Variants in SERPINB8 observed in about 807,000 individuals in gnomAD.
SERPINB8 encodes serpin family B member 8.
Under a neutral mutation model 35.3 loss-of-function variants are expected in SERPINB8, and 25 were observed. That is an observed-to-expected ratio of 0.71 (90% CI 0.52 to 0.99). The LOEUF (loss-of-function observed/expected upper bound fraction) is 0.99. SERPINB8 is among the 50% of genes least tolerant of loss of function. The pLI, the probability that SERPINB8 is intolerant of heterozygous loss-of-function variation, is 0.00. For synonymous variants in SERPINB8, 186 were observed against 160.8 expected (o/e 1.16, Z -1.19); for missense variants, 484 against 446.5 (o/e 1.08, Z -0.76).
intron 6 of SERPINB8, chr18:63,986,259 AAG>A: frequency 6.2e-7 from 1 of 1,610,444 alleles, no homozygotes; most frequent in Non-Finnish European, 8.5e-7. Context: ...GATAAATAGA[AAG>A]AGTGATGGAT....
intron 1 of SERPINB8, among the ~76,000 whole-genome samples, chr18:63,978,006 C>G (rs765124026): frequency 6.6e-6 from 1 of 152,194 alleles, no homozygotes; most frequent in Non-Finnish European, 1.5e-5. Flanking sequence ...GTCTCTGTCT[C>G]TGACTCTGCC....
chr18:64,012,571 A>G (rs75778505), intron 7 of SERPINB8, among the ~76,000 whole-genome samples: 38 of 90,212 alleles, frequency 4.2e-4, no homozygotes, highest in South Asian at 2.2e-3. Flanking sequence ...CTGTGTATGT[A>G]TGTGTGTGTG....
downstream of SERPINB8, among the ~76,000 whole-genome samples, chr18:63,989,966 A>C (rs28720102): frequency 0.012 from 1,722 of 144,968 alleles, 83 homozygotes; most frequent in African/African-American, 0.045. Context: ...AAAAAAAAAA[A>C]AAACCAAAAT....
exon 8 of SERPINB8, chr18:64,019,135 C>T (rs2050964084): frequency 6.6e-6 from 1 of 152,222 alleles, no homozygotes; most frequent in East Asian, 1.9e-4. Flanking sequence ...AAGACATTTT[C>T]CATTCCTGCA....
chr18:63,993,025 C>T (rs1412800442), downstream of SERPINB8, among the ~76,000 whole-genome samples: 1 of 152,148 alleles, frequency 6.6e-6, no homozygotes, highest in African/African-American at 2.4e-5. Flanking sequence ...TTACCCACAT[C>T]CTGCATTCAT....
intron 1 of SERPINB8, among the ~76,000 whole-genome samples, chr18:64,000,296 A>T (rs1370243092): frequency 6.6e-6 from 1 of 152,248 alleles, no homozygotes; most frequent in Non-Finnish European, 1.5e-5. Flanking sequence ...GCTGGCTCAG[A>T]CTAATTACCG....
At chr18:63,998,753 C>T (rs1392182410) in intron 1 of SERPINB8, among the ~76,000 whole-genome samples, 1 of 152,192 alleles carries the variant, frequency 6.6e-6, no homozygotes, top group African/African-American at 2.4e-5. Context: ...TACTAAACAG[C>T]ACAGATTGGG....
intron 4 of SERPINB8, among the ~76,000 whole-genome samples, chr18:63,983,297 T>C (rs1384956831): frequency 6.6e-6 from 1 of 152,200 alleles, no homozygotes; most frequent in Admixed American, 6.5e-5. Flanking sequence ...CTGTGTGCAC[T>C]CAGCAAAAGT....
rs757975926 is a variant in SERPINB8, at chr18:63,981,719, AG to A, written c.307del. On this transcript the variant is annotated splice_acceptor_variant, in intron 3 of 6. Transcript: ENST00000397985. LOFTEE classifies it high-confidence loss of function. ...ACTAAACTCAGTGTTTTGTGTTTGCAGGACTTTAAAGAATACTGTCAGAAGT... is the reference window on the plus strand; with the variant it reads ...ACTAAACTCAGTGTTTTGTGTTTGCAGACTTTAAAGAATACTGTCAGAAGT... 5.0e-6 allele frequency: 8 copies of A among 1,599,928 alleles called. No homozygotes were observed. The South Asian group carries it at 7.8e-5, about 16-fold the overall frequency.
At chr18:63,974,076 C>T (rs2050540045) in intron 1 of SERPINB8, among the ~76,000 whole-genome samples, 1 of 152,054 alleles carries the variant, frequency 6.6e-6, no homozygotes, top group African/African-American at 2.4e-5. Context: ...ATTACCTTGG[C>T]CTGCCCAGCT....
chr18:64,006,394 T>C (rs567447573), downstream of SERPINB8, among the ~76,000 whole-genome samples: 4 of 152,198 alleles, frequency 2.6e-5, no homozygotes, highest in African/African-American at 4.8e-5. Context: ...TTGAGTTATA[T>C]GAGGTCTTGA....
intron 1 of SERPINB8, among the ~76,000 whole-genome samples, chr18:63,977,182 C>G (rs892586445): frequency 6.6e-6 from 1 of 152,074 alleles, no homozygotes; most frequent in Non-Finnish European, 1.5e-5. Context: ...GGGTGCCAGG[C>G]GTTTATGACT....
In SERPINB8 at chr18:63,987,540, T is replaced by C; in HGVS notation, c.*262T>C. The C allele has an allele frequency of 2.4e-6, 1 of 422,686 alleles. No homozygotes were observed. 26.2% of individuals were successfully genotyped at this position (422,686 alleles called of 1,614,324 possible). A position where few individuals can be genotyped will look rare whatever the true frequency, so the allele number is the denominator to read the frequency against. On this transcript the variant is annotated 3_prime_UTR_variant, in exon 7 of 7. Coordinates refer to ENST00000397985, the MANE Select transcript of SERPINB8 (RefSeq NM_002640.4). ...CATTGCCTCTGCCTTCACCTAAGTC[T>C]GTGCCCATTGTTTCAGGGGATCTTA...
chr18:64,005,204 C>G (rs566128312), exon 2 of SERPINB8: 39 of 202,826 alleles, frequency 1.9e-4, no homozygotes, highest in African/African-American at 8.7e-4. Context: ...CTGACAACAT[C>G]AAGAGTGGGC....
intron 1 of SERPINB8, among the ~76,000 whole-genome samples, chr18:63,998,156 T>A (rs77623029): frequency 6.6e-6 from 1 of 152,190 alleles, no homozygotes; most frequent in Non-Finnish European, 1.5e-5. Flanking sequence ...CAGGATGTTC[T>A]TTGCAGGTTG....
exon 2 of SERPINB8, chr18:64,004,987 G>C (rs1476345293): frequency 2.5e-6 from 1 of 396,532 alleles, no homozygotes; most frequent in East Asian, 3.6e-5. Flanking sequence ...CACTGTGGAA[G>C]TGCCACAGGA....
At chr18:63,980,157 G>T (rs377110158) in intron 3 of SERPINB8, among the ~76,000 whole-genome samples, 3 of 152,016 alleles carry the variant, frequency 2.0e-5, no homozygotes, top group East Asian at 3.9e-4. Flanking sequence ...CAATTCTCCT[G>T]CACGCAGCCC....
chr18:63,990,286 G>A (rs1270351938), downstream of SERPINB8, among the ~76,000 whole-genome samples: 2 of 151,846 alleles, frequency 1.3e-5, no homozygotes, highest in African/African-American at 4.8e-5. Flanking sequence ...ATGTTGGCCA[G>A]GCTGGTTTTG....
chr18:63,994,588 C>T (rs1168421110), intron 1 of SERPINB8, among the ~76,000 whole-genome samples: 2 of 152,022 alleles, frequency 1.3e-5, no homozygotes, highest in African/African-American at 2.4e-5. Flanking sequence ...CTTTTCGGTT[C>T]CGAGGGGGAT....
Sources: gnomAD v4.1 joint callset for allele counts (sites outside exome capture counted in the v4.1 genomes callset) on GRCh38, gnomAD v4.1.1 for gene constraint, MANE v1.5 for transcripts, NCBI Gene and HGNC (gene_info 2026-07-23, HGNC 2026-07-21) for gene names.